The following APPBP2 variants were observed in gnomAD, a reference collection of about 807,000 sequenced individuals.
APPBP2 encodes the protein amyloid beta precursor protein binding protein 2.
Under a neutral mutation model 76.0 loss-of-function variants are expected in APPBP2, and 15 were observed. The observed-to-expected ratio is 0.20, with a 90% CI of 0.13 to 0.30. The LOEUF (loss-of-function observed/expected upper bound fraction) is 0.30, where lower values mean the gene tolerates loss of function less well. APPBP2 is among the 10% of genes least tolerant of loss of function. The probability of loss-of-function intolerance (pLI) is 1.00; values close to 1 mark genes in which losing one functional copy is unlikely to be tolerated. For missense variants in APPBP2, 401 were observed against 687.2 expected, an observed-to-expected ratio of 0.58 and a Z score of 4.66; for synonymous variants, 222 against 242.2, an observed-to-expected ratio of 0.92 and a Z score of 0.77.
chr17:60,467,650 TA>T (rs1362233133), intron 4 of APPBP2, among the ~76,000 whole-genome samples: 1 of 152,078 alleles, frequency 6.6e-6, no homozygotes, highest in Non-Finnish European at 1.5e-5. Context: ...ATAAAGATGA[TA>T]AAAAAGTAGG....
chr17:60,476,720 G>C (rs1332435437), intron 4 of APPBP2, among the ~76,000 whole-genome samples: 1 of 152,092 alleles, frequency 6.6e-6, no homozygotes, highest in Non-Finnish European at 1.5e-5. Context: ...TAAAAAGACA[G>C]CTAGTTCTGA....
At position 60,526,055 on chromosome 17, in the gene APPBP2, G is replaced by T; in HGVS notation, c.-124C>A. ...GGCGGTGGCAGCCACGCGGGCGCAC[G>T]GCAGAAGGCACGGCCGCCCTGCCTC... On this transcript the variant is annotated 5_prime_UTR_variant, in exon 1 of 13. Transcript: ENST00000083182. 2 of 965,536 alleles carry T rather than the reference G, an allele frequency of 2.1e-6. No individual in the cohort carries two copies. Among genetic ancestry groups the T allele is most frequent in the Non-Finnish European group, 3.0e-6 (2 of 662,330 alleles). The allele number at this position is 965,536 out of a possible 1,614,324, so 59.8% of individuals were successfully genotyped here.
Position 60,461,925 on chromosome 17 carries a change from GACACAAAATT to G in APPBP2, c.831-20_831-11del. On this transcript the variant is annotated splice_polypyrimidine_tract_variant and intron_variant, in intron 7 of 12. Transcript: ENST00000083182. The stretch of plus-strand genomic sequence containing the variant: ...GGATCCAAAATGATCCCTATAAAAA[GACACAAAATT>G]ATTAGGATATAAAGTATAGAGACAA... 2 of 1,609,556 alleles carry G rather than the reference GACACAAAATT, an allele frequency of 1.2e-6. No homozygotes were observed. Among genetic ancestry groups the G allele is most frequent in the Non-Finnish European group, 1.7e-6 (2 of 1,176,650 alleles).
chr17:60,514,812 C>CA (rs1555636282), intron 1 of APPBP2, among the ~76,000 whole-genome samples: 1 of 151,140 alleles, frequency 6.6e-6, no homozygotes, highest in Non-Finnish European at 1.5e-5. Context: ...TAAAACTTTT[C>CA]TTTTTTTTTG....
intron 2 of APPBP2, among the ~76,000 whole-genome samples, chr17:60,497,515 A>G (rs550847115): frequency 6.6e-6 from 1 of 152,342 alleles, no homozygotes; most frequent in Non-Finnish European, 1.5e-5. Context: ...TCTGTAACAC[A>G]AAGAATAAAT....
intron 1 of APPBP2, among the ~76,000 whole-genome samples, chr17:60,522,483 CT>C (rs1002943714): frequency 3.2e-4 from 48 of 152,106 alleles, no homozygotes; most frequent in African/African-American, 1.0e-3. Context: ...ACCACCATGC[CT>C]GGATAACTTT....
At chr17:60,523,854 G>GT (rs753295025) in intron 1 of APPBP2, among the ~76,000 whole-genome samples, 20 of 152,054 alleles carry the variant, frequency 1.3e-4, no homozygotes, top group Non-Finnish European at 1.5e-4. Flanking sequence ...AGGAACTCAG[G>GT]AACTAAATAT....
At chr17:60,504,443 TAATA>T (rs1340164017) in intron 1 of APPBP2, among the ~76,000 whole-genome samples, 1 of 152,068 alleles carries the variant, frequency 6.6e-6, no homozygotes, top group Non-Finnish European at 1.5e-5. Context: ...AAAAATTACT[TAATA>T]AAGAGTGCAT....
chr17:60,521,137 C>G (rs1219587020), intron 1 of APPBP2, among the ~76,000 whole-genome samples: 2 of 152,096 alleles, frequency 1.3e-5, no homozygotes, highest in East Asian at 3.9e-4. Flanking sequence ...GCTTTTATAC[C>G]AAAATGGTTG....
intron 2 of APPBP2, among the ~76,000 whole-genome samples, chr17:60,495,423 AATATT>A (rs60127392): frequency 0.044 from 6,392 of 145,916 alleles, 457 homozygotes; most frequent in African/African-American, 0.16. Context: ...AATTTTTAAA[AATATT>A]TTATTTATTT....
chr17:60,489,860 C>T (rs1315947091), intron 3 of APPBP2, among the ~76,000 whole-genome samples: 6 of 150,414 alleles, frequency 4.0e-5, no homozygotes, highest in African/African-American at 1.5e-4. Flanking sequence ...ACATGGTGAA[C>T]CCCGTCTCTA....
At chr17:60,519,473 T>C (rs916602863) in intron 1 of APPBP2, among the ~76,000 whole-genome samples, 33 of 151,742 alleles carry the variant, frequency 2.2e-4, no homozygotes, top group Admixed American at 1.2e-3. Context: ...AGGTTTTTTT[T>C]GTTGTTATCT....
At chr17:60,514,285 C>A (rs923165869) in intron 1 of APPBP2, among the ~76,000 whole-genome samples, 4 of 152,008 alleles carry the variant, frequency 2.6e-5, no homozygotes, top group African/African-American at 7.2e-5. Context: ...CAGAGCAAGA[C>A]CCTGTCTCAA....
intron 3 of APPBP2, among the ~76,000 whole-genome samples, chr17:60,480,143 G>A (rs2090618296): frequency 1.3e-5 from 2 of 151,958 alleles, no homozygotes; most frequent in Admixed American, 1.3e-4. Context: ...ACATTTTTTT[G>A]CACATTAAAA....
At chr17:60,483,343 G>A (rs1396356228) in intron 3 of APPBP2, among the ~76,000 whole-genome samples, 1 of 152,010 alleles carries the variant, frequency 6.6e-6, no homozygotes, top group Non-Finnish European at 1.5e-5. Context: ...TTGTCAGATA[G>A]GTAGATTGCA....
At chr17:60,479,316 C>T (rs1453256841) in intron 3 of APPBP2, 45 bp from the exon 4 acceptor site, 2 of 1,559,328 alleles carry the variant, frequency 1.3e-6, no homozygotes, top group Non-Finnish European at 1.7e-6. Flanking sequence ...TGATAAATAG[C>T]CTGCAAGATA....
intron 1 of APPBP2, among the ~76,000 whole-genome samples, chr17:60,508,529 T>C (rs2090887434): frequency 6.6e-6 from 1 of 152,150 alleles, no homozygotes; most frequent in South Asian, 2.1e-4. Context: ...AGTTTATACC[T>C]CTGAATGGTT....
At chr17:60,520,735 A>AT (rs1320366384) in intron 1 of APPBP2, among the ~76,000 whole-genome samples, 4 of 151,968 alleles carry the variant, frequency 2.6e-5, no homozygotes, top group Non-Finnish European at 4.4e-5. Flanking sequence ...AACTTCATTC[A>AT]TTTTTTTAAA....
At chr17:60,473,107 T>C (rs569213421) in intron 4 of APPBP2, among the ~76,000 whole-genome samples, 1 of 152,334 alleles carries the variant, frequency 6.6e-6, no homozygotes, top group African/African-American at 2.4e-5. Context: ...TAATTATATT[T>C]GGTCTAACCT....
Sources: gnomAD v4.1 joint callset for allele counts (sites outside exome capture counted in the v4.1 genomes callset) on GRCh38, gnomAD v4.1.1 for gene constraint, MANE v1.5 for transcripts, NCBI Gene and HGNC (gene_info 2026-07-23, HGNC 2026-07-21) for gene names.